The following CSGALNACT1 variants were observed in gnomAD, a reference collection of about 807,000 sequenced individuals.
CSGALNACT1 encodes beta4GalNAcT-1.
CSGALNACT1 carries 52 observed loss-of-function variants against 51.0 expected under a neutral mutation model. The ratio of observed to expected loss-of-function variants is 1.02; its 90% CI spans 0.82 to 1.29. The LOEUF (loss-of-function observed/expected upper bound fraction) is 1.29, where lower values mean the gene tolerates loss of function less well. Among genes scored for constraint, CSGALNACT1 ranks in the 50% most tolerant of loss-of-function variants. The pLI, the probability that CSGALNACT1 is intolerant of heterozygous loss-of-function variation, is 0.00. For synonymous variants in CSGALNACT1, 341 were observed against 254.4 expected (o/e 1.34, Z -3.24); for missense variants, 935 against 679.2 (o/e 1.38, Z -4.19).
At chr8:19,427,771 C>A (rs1382113332) in intron 6 of CSGALNACT1, among the ~76,000 whole-genome samples, 1 of 151,574 alleles carries the variant, frequency 6.6e-6, no homozygotes, top group Non-Finnish European at 1.5e-5. Flanking sequence ...CTGGGCAACA[C>A]AGCAAGACTC....
At chr8:19,680,577 C>CCCG (rs2060537390) in intron 1 of CSGALNACT1, among the ~76,000 whole-genome samples, 1 of 104,632 alleles carries the variant, frequency 9.6e-6, no homozygotes, top group East Asian at 3.4e-4. Flanking sequence ...CCCCCCCCCC[C>CCCG]CCACAAAAAA....
intron 2 of CSGALNACT1, among the ~76,000 whole-genome samples, chr8:19,600,942 A>G (rs1030890895): frequency 6.6e-6 from 1 of 151,108 alleles, no homozygotes; most frequent in African/African-American, 2.4e-5. Context: ...CAGCTTACCT[A>G]TTTTCATTTT....
At chr8:19,423,330 G>A (rs1204984993) in intron 6 of CSGALNACT1, among the ~76,000 whole-genome samples, 1 of 152,206 alleles carries the variant, frequency 6.6e-6, no homozygotes, top group Admixed American at 6.5e-5. Flanking sequence ...GTTAGAAACT[G>A]AGGAAACAGC....
chr8:19,475,196 A>G (rs2153887325), intron 4 of CSGALNACT1, among the ~76,000 whole-genome samples: 1 of 152,288 alleles, frequency 6.6e-6, no homozygotes, highest in South Asian at 2.1e-4. Context: ...GTACAAGAGT[A>G]TGGAGGAAGA....
chr8:19,480,429 C>T (rs2153909765), intron 4 of CSGALNACT1, among the ~76,000 whole-genome samples: 1 of 152,254 alleles, frequency 6.6e-6, no homozygotes, highest in Middle Eastern at 3.4e-3. Flanking sequence ...CATCCAGGTT[C>T]CTGCAAAGGA....
chr8:19,675,959 C>G (rs68035844), intron 1 of CSGALNACT1, among the ~76,000 whole-genome samples: 46,889 of 151,640 alleles, frequency 0.31, 7,703 homozygotes, highest in Middle Eastern at 0.43. Flanking sequence ...AATTTCAGGA[C>G]AGACCCAAAG....
At chr8:19,496,614 C>G (rs1009541206) in intron 4 of CSGALNACT1, among the ~76,000 whole-genome samples, 9 of 152,116 alleles carry the variant, frequency 5.9e-5, no homozygotes, top group Admixed American at 1.3e-4. Flanking sequence ...CCTTAGAATC[C>G]AAGACTTTTT....
intron 1 of CSGALNACT1, among the ~76,000 whole-genome samples, chr8:19,714,002 G>A (rs1014921052): frequency 3.9e-5 from 6 of 152,142 alleles, no homozygotes; most frequent in African/African-American, 1.4e-4. Context: ...CATGGCACTG[G>A]AATGAGTTCA....
intron 1 of CSGALNACT1, among the ~76,000 whole-genome samples, chr8:19,656,592 C>CAT (rs374257118): frequency 1.1e-5 from 1 of 88,140 alleles, no homozygotes; most frequent in African/African-American, 4.8e-5. Context: ...AGAAACTACG[C>CAT]CCCCCCCCCA....
chr8:19,416,431 A>T (rs534145636), intron 8 of CSGALNACT1, among the ~76,000 whole-genome samples: 1 of 152,076 alleles, frequency 6.6e-6, no homozygotes, highest in South Asian at 2.1e-4. Context: ...CTTTTAAAAA[A>T]TAAGTTTAGT....
chr8:19,543,079 G>C (rs1246182637), intron 3 of CSGALNACT1, among the ~76,000 whole-genome samples: 1 of 152,106 alleles, frequency 6.6e-6, no homozygotes, highest in Non-Finnish European at 1.5e-5. Flanking sequence ...ATATAACCCA[G>C]ATTATGACTG....
intron 1 of CSGALNACT1, among the ~76,000 whole-genome samples, chr8:19,611,465 C>T (rs545787928): frequency 6.6e-6 from 1 of 152,320 alleles, no homozygotes; most frequent in African/African-American, 2.4e-5. Context: ...AATGGATTAT[C>T]CTATTTAATT....
intron 1 of CSGALNACT1, among the ~76,000 whole-genome samples, chr8:19,635,159 G>A (rs774540673): frequency 2.0e-5 from 3 of 152,214 alleles, no homozygotes; most frequent in Non-Finnish European, 4.4e-5. Context: ...CTGGCCATCA[G>A]GGCAGAGGGG....
intron 3 of CSGALNACT1, among the ~76,000 whole-genome samples, chr8:19,540,552 G>A (rs1274216198): frequency 2.0e-5 from 3 of 152,314 alleles, no homozygotes; most frequent in South Asian, 2.1e-4. Context: ...GTATCAGTAA[G>A]AGACTGGAAG....
rs189566471 is a variant in CSGALNACT1, at chr8:19,517,672, C to A, written c.-296-11542G>T. On this transcript the variant is annotated intron_variant, in intron 3 of 9. Transcript: ENST00000454498. ...GGGAACAGTTCGTCTTACAAGGCAG[C>A]ACTCAAGAGAGAATGAGAGCCAAGC... 8.5e-5 allele frequency among the ~76,000 whole-genome samples: 13 copies of A among 152,276 alleles called. No homozygotes were observed. The East Asian group carries it at 2.5e-3, about 29-fold the overall frequency.
intron 3 of CSGALNACT1, among the ~76,000 whole-genome samples, chr8:19,527,677 T>C (rs1442655911): frequency 2.0e-5 from 3 of 152,136 alleles, no homozygotes; most frequent in African/African-American, 7.2e-5. Flanking sequence ...GGAAGCGACA[T>C]TACGCATGAG....
intron 6 of CSGALNACT1, among the ~76,000 whole-genome samples, chr8:19,427,383 G>A (rs771986505): frequency 1.1e-4 from 17 of 152,270 alleles, no homozygotes; most frequent in African/African-American, 3.4e-4. Flanking sequence ...GTTTTGAATC[G>A]AGAAATCAAA....
At chr8:19,506,733 C>G (rs1023835066) in intron 3 of CSGALNACT1, among the ~76,000 whole-genome samples, 2 of 152,160 alleles carry the variant, frequency 1.3e-5, no homozygotes, top group African/African-American at 4.8e-5. Context: ...TTGTCTCTCT[C>G]TATCCCCACT....
At chr8:19,673,884 T>C (rs2059975809) in intron 1 of CSGALNACT1, among the ~76,000 whole-genome samples, 1 of 152,224 alleles carries the variant, frequency 6.6e-6, no homozygotes, top group South Asian at 2.1e-4. Context: ...TGAGTGCCTA[T>C]CCTGTGCCAG....
Sources: allele counts gnomAD v4.1 joint callset (sites outside exome capture counted in the v4.1 genomes callset), GRCh38; gene constraint gnomAD v4.1.1; transcripts MANE v1.5; gene names NCBI Gene and HGNC (gene_info 2026-07-23, HGNC 2026-07-21).